The following NOX4 variants were observed in gnomAD, a reference collection of about 807,000 sequenced individuals.
NOX4 encodes the protein kidney oxidase-1.
In NOX4, 69 loss-of-function variants were observed where a neutral mutation model predicts 87.6. That is an observed-to-expected ratio of 0.79 (90% CI 0.65 to 0.96). The LOEUF is 0.96. NOX4 is among the 40% of genes least tolerant of loss of function. The pLI is 0.00. For missense variants in NOX4, 680 were observed against 681.5 expected, an observed-to-expected ratio of 1.00 and a Z score of 0.02; for synonymous variants, 275 against 238.2, an observed-to-expected ratio of 1.15 and a Z score of -1.42.
chr11:89,585,755 T>C, the NOX4 span, among the ~76,000 whole-genome samples: 2 of 152,196 alleles, frequency 1.3e-5, no homozygotes, highest in Admixed American at 1.3e-4. Flanking sequence ...TTCCAGTTCA[T>C]TGTACTCCCA....
chr11:89,395,218 C>T, intron 11 of NOX4, among the ~76,000 whole-genome samples: 1 of 152,114 alleles, frequency 6.6e-6, no homozygotes, highest in South Asian at 2.1e-4. Flanking sequence ...GATGGTATCT[C>T]ATTGTGGTTT....
intron 5 of NOX4, among the ~76,000 whole-genome samples, chr11:89,441,821 G>A (rs1314090924): frequency 2.0e-5 from 3 of 151,830 alleles, no homozygotes; most frequent in Admixed American, 2.0e-4. Context: ...TCAAGGAAGT[G>A]CAGCAGTCAC....
chr11:89,382,880 G>A (rs1591073363), intron 11 of NOX4, among the ~76,000 whole-genome samples: 1 of 152,074 alleles, frequency 6.6e-6, no homozygotes. Context: ...TCCCAAATCA[G>A]TTAGCATTTA....
chr11:89,435,213 A>G (rs535643611), intron 6 of NOX4, among the ~76,000 whole-genome samples: 2 of 152,222 alleles, frequency 1.3e-5, no homozygotes, highest in Admixed American at 1.3e-4. Context: ...TTATTTGTCC[A>G]CATGAATAAC....
chr11:89,556,640 G>A, the NOX4 span, among the ~76,000 whole-genome samples: 1 of 152,106 alleles, frequency 6.6e-6, no homozygotes, highest in Non-Finnish European at 1.5e-5. Context: ...TTGGGAAGAG[G>A]CAAGTCAAAG....
the NOX4 span, among the ~76,000 whole-genome samples, chr11:89,588,488 T>C: frequency 6.6e-6 from 1 of 152,056 alleles, no homozygotes; most frequent in African/African-American, 2.4e-5. Flanking sequence ...TAAGTTTCCC[T>C]TGAAACCATG....
the NOX4 span, among the ~76,000 whole-genome samples, chr11:89,587,504 G>T: frequency 2.0e-5 from 3 of 151,888 alleles, no homozygotes; most frequent in Admixed American, 6.6e-5. Flanking sequence ...CCAGATGAAC[G>T]CAATCAGAGG....
chr11:89,401,044 G>A (rs1941821808), intron 9 of NOX4, among the ~76,000 whole-genome samples: 2 of 152,094 alleles, frequency 1.3e-5, no homozygotes, highest in South Asian at 4.1e-4. Context: ...TTTGGGAAGT[G>A]CAGAAGCCTA....
At chr11:89,551,389 G>A in the NOX4 span, among the ~76,000 whole-genome samples, 1 of 151,992 alleles carries the variant, frequency 6.6e-6, no homozygotes. Context: ...AAATTACTTT[G>A]GGCAGTATGG....
At chr11:89,516,974 T>TTCC in the NOX4 span, among the ~76,000 whole-genome samples, 8 of 133,640 alleles carry the variant, frequency 6.0e-5, no homozygotes, top group South Asian at 2.4e-4. Flanking sequence ...TCCTCCTCTC[T>TTCC]TCCTCCTCCT....
chr11:89,559,009 C>T, the NOX4 span, among the ~76,000 whole-genome samples: 2 of 152,100 alleles, frequency 1.3e-5, no homozygotes, highest in African/African-American at 2.4e-5. Flanking sequence ...TTTGGCCATG[C>T]TTTAACTTTG....
At chr11:89,464,996 C>T (rs1945613483) in intron 2 of NOX4, among the ~76,000 whole-genome samples, 2 of 151,908 alleles carry the variant, frequency 1.3e-5, no homozygotes, top group African/African-American at 4.8e-5. Flanking sequence ...TTTTAAAAAA[C>T]ATTTTTGTTA....
intron 14 of NOX4, 101 bp downstream of exon 14, chr11:89,341,973 T>C (rs1486206575): frequency 9.5e-7 from 1 of 1,054,412 alleles, no homozygotes; most frequent in African/African-American, 1.6e-5. Context: ...GATCAACAAG[T>C]AGAATAATTC....
chr11:89,421,722 T>G (rs575482071), intron 8 of NOX4, among the ~76,000 whole-genome samples, 180 bp downstream of exon 8: 1 of 152,288 alleles, frequency 6.6e-6, no homozygotes, highest in African/African-American at 2.4e-5. Flanking sequence ...TTCATTACAA[T>G]ATGCTATGCT....
the NOX4 span, among the ~76,000 whole-genome samples, chr11:89,541,378 A>G: frequency 1.3e-5 from 2 of 152,222 alleles, no homozygotes; most frequent in South Asian, 2.1e-4. Context: ...CTTTCCTTCA[A>G]GTTTTACCAA....
At chr11:89,579,390 T>C in the NOX4 span, among the ~76,000 whole-genome samples, 1 of 151,666 alleles carries the variant, frequency 6.6e-6, no homozygotes, top group African/African-American at 2.4e-5. Flanking sequence ...ATTGGGGAGG[T>C]TATGCATGTG....
chr11:89,389,030 G>A (rs1238493988), intron 11 of NOX4, among the ~76,000 whole-genome samples: 2 of 152,136 alleles, frequency 1.3e-5, no homozygotes, highest in Admixed American at 6.6e-5. Context: ...AGGAAGTAGA[G>A]CATACAGGTC....
intron 15 of NOX4, among the ~76,000 whole-genome samples, chr11:89,338,760 T>C (rs1945838085): frequency 2.0e-5 from 3 of 152,142 alleles, no homozygotes; most frequent in African/African-American, 4.8e-5. Context: ...CTCCAAAATA[T>C]GTGTCTAGTC....
the NOX4 span, among the ~76,000 whole-genome samples, chr11:89,551,391 G>T: frequency 6.6e-6 from 1 of 152,084 alleles, no homozygotes; most frequent in African/African-American, 2.4e-5. Flanking sequence ...ATTACTTTGG[G>T]CAGTATGGCC....
Sources: allele counts gnomAD v4.1 joint callset (sites outside exome capture counted in the v4.1 genomes callset), GRCh38; gene constraint gnomAD v4.1.1; transcripts MANE v1.5; gene names NCBI Gene and HGNC (gene_info 2026-07-23, HGNC 2026-07-21).